SPTBN4: variants seen among roughly 807,000 people sequenced by gnomAD.
SPTBN4 encodes spectrin beta, non-erythrocytic 4.
SPTBN4 carries 96 observed loss-of-function variants against 277.8 expected under a neutral mutation model. The ratio of observed to expected loss-of-function variants is 0.35; its 90% CI spans 0.29 to 0.41. The LOEUF (loss-of-function observed/expected upper bound fraction) is 0.41, where lower values mean the gene tolerates loss of function less well. Among genes scored for constraint, SPTBN4 ranks in the 10% least tolerant of loss-of-function variants. The pLI is 1.00. For synonymous variants in SPTBN4, 1,481 were observed against 1,580.3 expected (o/e 0.94, Z 1.49); for missense variants, 3,006 against 3,595.7 (o/e 0.84, Z 4.19).
chr19:40,554,537 C>T lies in SPTBN4; in HGVS notation c.4975C>T (p.Leu1659=), dbSNP rs371811384. 4.7e-6 allele frequency: 7 copies of T among 1,489,570 alleles called. No homozygotes were observed. In the African/African-American group the frequency reaches 8.4e-5, roughly 18 times the overall value. The allele number at this position is 1,489,570 out of a possible 1,614,324, so 92.3% of individuals were successfully genotyped here. ...KGKDEQSTLQ[L]LKKHLQLEQG... ...CCAGGACGAACAGAGCACCCTGCAG[C>T]TGCTCAAGAAACACCTGCAGCTGGA... is the stretch of plus-strand genomic sequence containing the variant. The change falls in exon 24 of 36, where the codon CTG becomes TTG. Residue 1659 remains leucine (L), a synonymous_variant. Transcript: ENST00000598249. The surrounding 1 kb of genome is among the most constrained non-coding windows in gnomAD (Gnocchi z 5.7).
At chr19:40,481,467 G>T (rs983884603) in intron 2 of SPTBN4, among the ~76,000 whole-genome samples, 1 of 151,986 alleles carries the variant, frequency 6.6e-6, no homozygotes, top group Non-Finnish European at 1.5e-5. Flanking sequence ...GCGATGGTCA[G>T]GTTTTTTGTT....
chr19:40,480,552 CTT>C (rs2145811862), intron 2 of SPTBN4, among the ~76,000 whole-genome samples: 1 of 152,304 alleles, frequency 6.6e-6, no homozygotes, highest in South Asian at 2.1e-4. Flanking sequence ...GGTGTTTTAA[CTT>C]TCTGTAAATG....
chr19:40,494,629 AATCT>A (rs150571907), intron 5 of SPTBN4, among the ~76,000 whole-genome samples: 11,472 of 151,398 alleles, frequency 0.076, 939 homozygotes, highest in African/African-American at 0.21. Flanking sequence ...ATCATCTATC[AATCT>A]ATCTATCACC....
chr19:40,559,284 T>C (rs142633346), intron 26 of SPTBN4, among the ~76,000 whole-genome samples: 106 of 152,216 alleles, frequency 7.0e-4, no homozygotes, highest in African/African-American at 2.3e-3. Flanking sequence ...GAGAGATTCA[T>C]AGTAATAAGT....
At chr19:40,499,887 T>C (rs937637370) in intron 7 of SPTBN4, among the ~76,000 whole-genome samples, 2 of 151,790 alleles carry the variant, frequency 1.3e-5, no homozygotes, top group East Asian at 1.9e-4. Context: ...TGGATGTCAG[T>C]TGGACAAGGC....
In SPTBN4 at chr19:40,520,002, G is replaced by A. The variant is rs762725331; in HGVS notation, c.3505G>A (p.Ala1169Thr). 4.5e-6 allele frequency: 7 copies of A among 1,560,212 alleles called. No individual in the cohort carries two copies. Among genetic ancestry groups the A allele is most frequent in the Non-Finnish European group, 6.0e-6 (7 of 1,158,002 alleles). The change falls in exon 16 of 36, where the codon GCA (alanine) becomes ACA (threonine). Residue 1169 changes from alanine (A) to threonine (T), a missense_variant. Around this residue, in one of 5 missense-constraint regions of SPTBN4, gnomAD observed 1,759 missense variants for 2,061.5 expected, o/e 0.85. Coordinates refer to ENST00000598249, the MANE Select transcript of SPTBN4 (RefSeq NM_020971.3). ...ADGAELGPGL[A>T]LDEWLPHLEL... is the part of the protein sequence containing the mutation. Reference sequence around the variant, plus strand: ...CGGCGCAGAGCTGGGCCCGGGCCTGGCACTAGACGAGTGGCTGCCACACCT... The same window carrying A: ...CGGCGCAGAGCTGGGCCCGGGCCTGACACTAGACGAGTGGCTGCCACACCT...
intron 27 of SPTBN4, 137 bp from the exon 28 acceptor site, chr19:40,565,271 AAAAAGAAAAGAAAAG>A (rs368076001): frequency 1.6e-5 from 16 of 980,284 alleles, no homozygotes; most frequent in Middle Eastern, 2.9e-4. Context: ...TCTCAAAAAA[AAAAAGAAAAGAAAAG>A]AAAAGAAAAG....
At chr19:40,527,578 G>A (rs929780129) in intron 17 of SPTBN4, among the ~76,000 whole-genome samples, 2 of 152,236 alleles carry the variant, frequency 1.3e-5, no homozygotes, top group African/African-American at 2.4e-5. Flanking sequence ...TCACGAAGAA[G>A]GTGATCTTTG....
intron 2 of SPTBN4, among the ~76,000 whole-genome samples, chr19:40,474,069 C>T (rs1275941872): frequency 6.8e-6 from 1 of 146,592 alleles, no homozygotes; most frequent in Non-Finnish European, 1.5e-5. Context: ...GGAGGATGGC[C>T]TGAGACTGTG....
intron 7 of SPTBN4, 44 bp from the exon 8 acceptor site, chr19:40,501,877 C>G: frequency 6.5e-7 from 1 of 1,548,664 alleles, no homozygotes; most frequent in Non-Finnish European, 8.9e-7. Flanking sequence ...AGCACTCTGT[C>G]AAAGTGCCCA....
Position 40,491,713 on chromosome 19 carries a change from CAAAAAAA to C in SPTBN4, c.496-1231_496-1225del, listed in dbSNP as rs35237688. ...TGGGTAATAGATAGAGACTCTGTCT[CAAAAAAA>C]AAAAAAAAAAAAAAAAAAGTGACCG... On this transcript the variant is annotated intron_variant, in intron 4 of 35. Coordinates refer to ENST00000598249, the MANE Select transcript of SPTBN4 (RefSeq NM_020971.3). Among the ~76,000 whole-genome samples the C allele has an allele frequency of 2.1e-4, 8 of 38,800 alleles. 1 individual carries two copies. Among genetic ancestry groups the C allele is most frequent in the African/African-American group, 7.9e-4 (6 of 7,630 alleles). 25.5% of individuals were successfully genotyped at this position (38,800 alleles called of 152,430 possible). A position where few individuals can be genotyped will look rare whatever the true frequency, so the allele number is the denominator to read the frequency against.
At chr19:40,544,089 A>G (rs546902043) in intron 20 of SPTBN4, among the ~76,000 whole-genome samples, 1 of 147,912 alleles carries the variant, frequency 6.8e-6, no homozygotes, top group South Asian at 2.1e-4. Flanking sequence ...ATAAATTTAT[A>G]TTCATAGGTA....
chr19:40,494,963 C>T lies in SPTBN4; in HGVS notation c.654C>T (p.Leu218=). Residue 218 remains leucine, a synonymous_variant, in exon 6 of 36, where the codon CTC becomes CTT. Transcript: ENST00000598249. ...GGGATGGCTTGGCCTTCAATGCCCTCATTCACCGGCACAGGTACCACCTGG... is the reference window on the plus strand; with the variant it reads ...GGGATGGCTTGGCCTTCAATGCCCTTATTCACCGGCACAGGTACCACCTGG... The part of the protein sequence containing the change: ...SWRDGLAFNA[L]IHRHRPDLVD... 9 of 1,614,160 alleles carry T rather than the reference C, an allele frequency of 5.6e-6. No homozygotes were observed. Among genetic ancestry groups the T allele is most frequent in the Non-Finnish European group, 6.8e-6 (8 of 1,180,022 alleles).
chr19:40,544,053 G>A (rs2080829058), intron 20 of SPTBN4, among the ~76,000 whole-genome samples: 2 of 151,458 alleles, frequency 1.3e-5, no homozygotes, highest in South Asian at 4.2e-4. Context: ...TTACTCCAGG[G>A]AATTTTTATG....
chr19:40,563,915 C>T (rs965455684), intron 27 of SPTBN4, among the ~76,000 whole-genome samples: 2 of 151,636 alleles, frequency 1.3e-5, no homozygotes, highest in African/African-American at 2.4e-5. Context: ...GGCTTGGTGG[C>T]GGGCACCTGT....
intron 14 of SPTBN4, among the ~76,000 whole-genome samples, chr19:40,514,475 C>G (rs2080431221): frequency 6.6e-6 from 1 of 152,190 alleles, no homozygotes; most frequent in Non-Finnish European, 1.5e-5. Flanking sequence ...GGTAAGTAAA[C>G]AGGCCATGGA....
intron 24 of SPTBN4, chr19:40,555,253 C>G (rs2080964060): frequency 6.6e-6 from 1 of 152,148 alleles, no homozygotes; most frequent in African/African-American, 2.4e-5. Flanking sequence ...CCGGGTGAGG[C>G]TGCCGAGGTG....
In SPTBN4 at chr19:40,504,219, A is replaced by T. The variant is rs1277616509; in HGVS notation, c.1665+87A>T. 17 of 1,386,484 alleles carry T rather than the reference A, an allele frequency of 1.2e-5. No homozygotes were observed. The Admixed American group carries it at 3.4e-4, about 28-fold the overall frequency. 85.9% of individuals were successfully genotyped at this position (1,386,484 alleles called of 1,614,324 possible). On this transcript the variant is annotated intron_variant, in intron 12 of 35. Coordinates refer to ENST00000598249, the MANE Select transcript of SPTBN4 (RefSeq NM_020971.3). ...TGAAAGAGTTGTCAGACAGCTGGAGATGGAGAGGGAAGGGCAGAGATAGAA... is the reference window on the plus strand; with the variant it reads ...TGAAAGAGTTGTCAGACAGCTGGAGTTGGAGAGGGAAGGGCAGAGATAGAA...
rs577000571 is a variant in SPTBN4 at position 40,565,721 on chromosome 19, C to T, written c.6115C>T (p.Arg2039Cys). 40 of 1,553,446 alleles carry T rather than the reference C, an allele frequency of 2.6e-5. No homozygotes were observed. Among genetic ancestry groups the T allele is most frequent in the Admixed American group, 9.8e-5 (5 of 51,210 alleles). Residue 2039 changes from arginine (R) to cysteine (C), a missense_variant, in exon 29 of 36, where the codon CGC becomes TGC. Physicochemically the swap from Arg to Cys is radical, Grantham distance 180. Coordinates refer to ENST00000598249, the MANE Select transcript of SPTBN4 (RefSeq NM_020971.3). Reference protein sequence around the residue: ...RKEEVSEKWDRHWEWLQQMLE... With the variant: ...RKEEVSEKWDCHWEWLQQMLE... Reference sequence around the variant, plus strand: ...GGAGGAGGTGTCGGAAAAGTGGGACCGCCATTGGGAGTGGCTGCAGCAGAG... The same window carrying T: ...GGAGGAGGTGTCGGAAAAGTGGGACTGCCATTGGGAGTGGCTGCAGCAGAG...
Sources: gnomAD v4.1 joint callset for allele counts (sites outside exome capture counted in the v4.1 genomes callset) on GRCh38, gnomAD v4.1.1 for gene constraint, gnomAD v4.1.1 regional missense constraint, Gnocchi (gnomAD v3.1) non-coding constraint, MANE v1.5 for transcripts, NCBI Gene and HGNC (gene_info 2026-07-23, HGNC 2026-07-21) for gene names.